The following CNTNAP2 variants were observed in gnomAD, a reference collection of about 807,000 sequenced individuals.
CNTNAP2 encodes the protein contactin-associated protein-like 2.
In CNTNAP2, 98 loss-of-function variants were observed where a neutral mutation model predicts 155.2. The ratio of observed to expected loss-of-function variants is 0.63; its 90% confidence interval spans 0.54 to 0.75. The LOEUF (loss-of-function observed/expected upper bound fraction) is 0.75. Ranked by LOEUF, CNTNAP2 falls within the 30% of genes least tolerant of loss-of-function variation. CNTNAP2 has a pLI of 0.00. For synonymous variants in CNTNAP2, 651 were observed against 631.2 expected (o/e 1.03, Z -0.47); for missense variants, 1,727 against 1,688.1 (o/e 1.02, Z -0.40).
At chr7:147,057,022 A>T (rs375847959) in intron 4 of CNTNAP2, among the ~76,000 whole-genome samples, 15 of 149,922 alleles carry the variant, frequency 1.0e-4, no homozygotes, top group African/African-American at 3.7e-4. Context: ...TTGGTTTTAG[A>T]CTCCTGGGCT....
chr7:148,136,049 G>GAAGGAAGGAAA (rs1804941773), intron 16 of CNTNAP2, among the ~76,000 whole-genome samples: 1 of 61,650 alleles, frequency 1.6e-5, no homozygotes, highest in Non-Finnish European at 3.1e-5. Flanking sequence ...GGGAGGGAGG[G>GAAGGAAGGAAA]GAAGGGAAGG....
At chr7:146,795,374 T>C (rs533877111) in intron 2 of CNTNAP2, among the ~76,000 whole-genome samples, 4 of 152,302 alleles carry the variant, frequency 2.6e-5, no homozygotes, top group Admixed American at 1.3e-4. Context: ...TCAACATTCA[T>C]GGTACAAAAC....
chr7:147,264,737 T>C (rs1454098157), intron 8 of CNTNAP2, among the ~76,000 whole-genome samples: 2 of 151,626 alleles, frequency 1.3e-5, no homozygotes, highest in African/African-American at 4.8e-5. Context: ...TTTCAAGCAA[T>C]GGAGGATGCA....
chr7:148,077,306 C>CAA (rs57228380), intron 15 of CNTNAP2, among the ~76,000 whole-genome samples: 304 of 139,712 alleles, frequency 2.2e-3, no homozygotes, highest in Non-Finnish European at 3.3e-3. Context: ...GACTTCATCT[C>CAA]AAAAAAAAAA....
chr7:148,061,030 G>A (rs1374743107), intron 15 of CNTNAP2, among the ~76,000 whole-genome samples: 1 of 152,166 alleles, frequency 6.6e-6, no homozygotes, highest in Admixed American at 6.5e-5. Context: ...TTTCATTAAA[G>A]CAATCTCTAA....
intron 8 of CNTNAP2, among the ~76,000 whole-genome samples, chr7:147,170,157 G>C (rs939217656): frequency 4.6e-5 from 7 of 152,140 alleles, no homozygotes; most frequent in African/African-American, 1.7e-4. Context: ...ACAAGACTCT[G>C]TGCAGGGGTT....
chr7:146,119,923 A>G (rs1000231618), intron 1 of CNTNAP2, among the ~76,000 whole-genome samples: 16 of 151,950 alleles, frequency 1.1e-4, no homozygotes, highest in African/African-American at 3.6e-4. Flanking sequence ...TTATAAAAAC[A>G]TTTGAATACA....
intron 11 of CNTNAP2, among the ~76,000 whole-genome samples, chr7:147,528,255 C>A (rs116367876): frequency 0.015 from 2,348 of 152,300 alleles, 64 homozygotes; most frequent in African/African-American, 0.054. Flanking sequence ...ACATGAAGTT[C>A]TATTTCCTCA....
chr7:146,182,764 G>C (rs1398270729), intron 1 of CNTNAP2, among the ~76,000 whole-genome samples: 4 of 152,104 alleles, frequency 2.6e-5, no homozygotes, highest in African/African-American at 7.2e-5. Context: ...ACTCACGTCT[G>C]ATCCAGCCTC....
chr7:146,299,292 G>A (rs998939867), intron 1 of CNTNAP2, among the ~76,000 whole-genome samples: 2 of 151,990 alleles, frequency 1.3e-5, no homozygotes, highest in Non-Finnish European at 2.9e-5. Context: ...AATAAAATAA[G>A]ATAGAAATAA....
chr7:146,862,514 CTAA>C (rs1011401694), intron 3 of CNTNAP2, among the ~76,000 whole-genome samples: 1 of 152,090 alleles, frequency 6.6e-6, no homozygotes, highest in African/African-American at 2.4e-5. Flanking sequence ...AAAAAAAACG[CTAA>C]TGACACTCAA....
rs558660319 is a variant in CNTNAP2, at chr7:147,856,203, A to G, written c.2099-47362A>G. 3.3e-5 allele frequency among the ~76,000 whole-genome samples: 5 copies of G among 152,162 alleles called. No homozygotes were observed. In the East Asian group the frequency reaches 9.6e-4, roughly 29 times the overall value. On this transcript the variant is annotated intron_variant, in intron 13 of 23. Coordinates refer to ENST00000361727, the MANE Select transcript of CNTNAP2 (RefSeq NM_014141.6). ...GGGTTTCTTGTTCAGCCATAGTTCT[A>G]GACCTTGGCTGCATTTTGGAATCAC...
At chr7:146,667,667 T>C (rs908458433) in intron 1 of CNTNAP2, among the ~76,000 whole-genome samples, 1 of 152,068 alleles carries the variant, frequency 6.6e-6, no homozygotes, top group African/African-American at 2.4e-5. Flanking sequence ...TTTGCAGTTT[T>C]CCTTTTAAAG....
intron 1 of CNTNAP2, among the ~76,000 whole-genome samples, chr7:146,508,974 C>T (rs1055504354): frequency 5.3e-5 from 8 of 152,126 alleles, no homozygotes; most frequent in African/African-American, 7.2e-5. Flanking sequence ...TCTGCTTCCC[C>T]GAGGGCTGCC....
intron 15 of CNTNAP2, among the ~76,000 whole-genome samples, chr7:148,024,900 C>G (rs1039672788): frequency 1.3e-5 from 2 of 152,146 alleles, no homozygotes; most frequent in African/African-American, 4.8e-5. Flanking sequence ...GAGGTGGAAG[C>G]AAATGAAATT....
chr7:147,418,977 T>C (rs1191908207), intron 10 of CNTNAP2, among the ~76,000 whole-genome samples: 1 of 152,202 alleles, frequency 6.6e-6, no homozygotes, highest in East Asian at 1.9e-4. Flanking sequence ...GTGGTGAACG[T>C]ACTCATTATT....
intron 8 of CNTNAP2, among the ~76,000 whole-genome samples, chr7:147,250,292 T>C (rs1804167508): frequency 6.6e-6 from 1 of 152,108 alleles, no homozygotes; most frequent in African/African-American, 2.4e-5. Context: ...CAAGTAAAAC[T>C]TTTGGAAGGA....
chr7:146,880,398 G>C (rs982902015), intron 3 of CNTNAP2, among the ~76,000 whole-genome samples: 1 of 151,888 alleles, frequency 6.6e-6, no homozygotes, highest in Non-Finnish European at 1.5e-5. Flanking sequence ...CTAGGAACCT[G>C]ACCATGCTGG....
At chr7:146,842,479 G>A (rs1222548669) in intron 3 of CNTNAP2, among the ~76,000 whole-genome samples, 1 of 152,114 alleles carries the variant, frequency 6.6e-6, no homozygotes, top group Non-Finnish European at 1.5e-5. Flanking sequence ...GACTATGTTA[G>A]TCTGTTCTTG....
Sources: allele counts gnomAD v4.1 joint callset (sites outside exome capture counted in the v4.1 genomes callset), GRCh38; gene constraint gnomAD v4.1.1; transcripts MANE v1.5; gene names NCBI Gene and HGNC (gene_info 2026-07-23, HGNC 2026-07-21).